The following PLOD3 variants were observed in gnomAD, a reference collection of about 807,000 sequenced individuals.
The protein encoded by PLOD3 is procollagen-lysine,2-oxoglutarate 5-dioxygenase 3.
In PLOD3, 73 loss-of-function variants were observed where a neutral mutation model predicts 96.9. The ratio of observed to expected loss-of-function variants is 0.75; its 90% CI spans 0.62 to 0.92. The LOEUF (loss-of-function observed/expected upper bound fraction) is 0.92. Among genes scored for constraint, PLOD3 ranks in the 40% least tolerant of loss-of-function variants. The pLI, the probability that PLOD3 is intolerant of heterozygous loss-of-function variation, is 0.00. For synonymous variants in PLOD3, 454 were observed against 413.7 expected (o/e 1.10, Z -1.18); for missense variants, 1,004 against 1,004.3 (o/e 1.00, Z 0.00).
At chr7:101,212,067 G>A (rs1218568931) in intron 10 of PLOD3, 117 bp from the exon 11 acceptor site, 6 of 1,030,786 alleles carry the variant, frequency 5.8e-6, no homozygotes, top group African/African-American at 1.6e-5. Context: ...CCTTCCCCAG[G>A]CTCTCTGCTG....
rs1211204706 is a variant in PLOD3 at position 101,215,904 on chromosome 7, C to T, written c.615+4G>A. 1 of 1,597,518 alleles carries T rather than the reference C, an allele frequency of 6.3e-7. No homozygotes were observed. The highest frequency in any genetic ancestry group is 1.1e-5 in the South Asian group (1 of 90,724). On this transcript the variant is annotated splice_donor_region_variant and intron_variant, in intron 5 of 18. Coordinates refer to ENST00000223127, the MANE Select transcript of PLOD3 (RefSeq NM_001084.5). Reference sequence around the variant, plus strand: ...GGATGCGCCCACTCCTCTGCCTTCCCTACCCTCAGTCCTGGGTCCAGGTAG... The same window carrying T: ...GGATGCGCCCACTCCTCTGCCTTCCTTACCCTCAGTCCTGGGTCCAGGTAG...
intron 2 of PLOD3, 69 bp from the exon 3 acceptor site, chr7:101,216,615 A>C: frequency 6.2e-7 from 1 of 1,609,906 alleles, no homozygotes; most frequent in Middle Eastern, 1.7e-4. Context: ...GACCAGGCTT[A>C]CCGTGGGGAC....
Position 101,206,351 on chromosome 7 carries a change from G to A in PLOD3, c.2147C>T (p.Thr716Ile), listed in dbSNP as rs1428292888. 3 of 1,613,830 alleles carry A rather than the reference G, an allele frequency of 1.9e-6. No homozygotes were observed. The highest frequency in any genetic ancestry group is 1.3e-5 in the African/African-American group (1 of 74,946). Residue 716 changes from threonine to isoleucine, a missense_variant, in exon 19 of 19, where the codon ACC becomes ATC. Transcript: ENST00000223127. ...CGTTGGCAGCCCCTCGTGGTAGTGGGTGAGGCGGCCGGGGTGCAGGAGTGC... is the reference window on the plus strand; with the variant it reads ...CGTTGGCAGCCCCTCGTGGTAGTGGATGAGGCGGCCGGGGTGCAGGAGTGC... ...GWALLHPGRL[T>I]HYHEGLPTTW...
Position 101,206,191 on chromosome 7 carries a change from CAGAG to C in PLOD3, c.*86_*89del, listed in dbSNP as rs371061268. 528 of 1,269,216 alleles carry C rather than the reference CAGAG, an allele frequency of 4.2e-4. 3 individuals carry two copies. In the African/African-American group the frequency reaches 6.8e-3, roughly 16 times the overall value. The allele number at this position is 1,269,216 out of a possible 1,614,324, so 78.6% of individuals were successfully genotyped here. A position where few individuals can be genotyped will look rare whatever the true frequency, so the allele number is the denominator to read the frequency against. On this transcript the variant is annotated 3_prime_UTR_variant, in exon 19 of 19. Coordinates refer to ENST00000223127, the MANE Select transcript of PLOD3 (RefSeq NM_001084.5). ...AACATGAACTCAGGAAGTGGGGAGA[CAGAG>C]AGACCCATCCCCCAACTCCCAGGAC...
chr7:101,206,513 C>T (rs569329030), intron 18 of PLOD3, 77 bp from the exon 19 acceptor site: 13 of 1,371,830 alleles, frequency 9.5e-6, no homozygotes, highest in African/African-American at 5.7e-5. Context: ...CGGGGCAGGG[C>T]GGCCAGACCG....
intron 16 of PLOD3, 83 bp from the exon 17 acceptor site, chr7:101,207,807 T>C: frequency 6.8e-7 from 1 of 1,464,884 alleles, no homozygotes; most frequent in Non-Finnish European, 9.5e-7. Context: ...CTTCCTCCCG[T>C]CCTCCAGCCT....
chr7:101,213,793 G>A (rs1798226376), intron 6 of PLOD3, among the ~76,000 whole-genome samples: 1 of 152,028 alleles, frequency 6.6e-6, no homozygotes, highest in African/African-American at 2.4e-5. Context: ...CCACCTCCAG[G>A]GTTCAAGCGA....
At position 101,212,776 on chromosome 7, in the gene PLOD3, G is replaced by A. The variant is rs186934460; in HGVS notation, c.879+66C>T. On this transcript the variant is annotated intron_variant, in intron 8 of 18. Coordinates refer to ENST00000223127, the MANE Select transcript of PLOD3 (RefSeq NM_001084.5). ...CGATGCCCCCACCGCCCCCCAGTCC[G>A]CTGTCCTTGTACCTCCTGCTCAGCA... The A allele has an allele frequency of 2.4e-4, 375 of 1,556,812 alleles. 2 individuals are homozygous for A. In the East Asian group the frequency reaches 7.7e-3, roughly 32 times the overall value.
At chr7:101,210,274 T>C in intron 14 of PLOD3, 57 bp downstream of exon 14, 1 of 1,535,194 alleles carries the variant, frequency 6.5e-7, no homozygotes, top group South Asian at 1.1e-5. Context: ...ACGTTTGGTG[T>C]CTTCCTTAGC....
intron 17 of PLOD3, among the ~76,000 whole-genome samples, 161 bp downstream of exon 17, chr7:101,207,417 C>T (rs551104689): frequency 1.3e-5 from 2 of 152,212 alleles, no homozygotes; most frequent in East Asian, 1.9e-4. Flanking sequence ...AGCCTGGCGC[C>T]CTCCCTCCCC....
At chr7:101,209,552 GTTTTTTTTTTT>G (rs11295764) in intron 15 of PLOD3, among the ~76,000 whole-genome samples, 2 of 110,336 alleles carry the variant, frequency 1.8e-5, no homozygotes, top group Non-Finnish European at 3.7e-5. Context: ...TAATTTTTGT[GTTTTTTTTTTT>G]TTTTTTTTTG....
At chr7:101,215,664 TTTTC>T (rs1367862015) in intron 5 of PLOD3, among the ~76,000 whole-genome samples, 1 of 151,794 alleles carries the variant, frequency 6.6e-6, no homozygotes, top group Non-Finnish European at 1.5e-5. Flanking sequence ...CTGGCTAATT[TTTTC>T]TTTCTTTTTT....
At chr7:101,213,232 ACCCC>A in intron 6 of PLOD3, 28 bp from the exon 7 acceptor site, 1 of 1,459,204 alleles carries the variant, frequency 6.9e-7, no homozygotes, top group Non-Finnish European at 9.6e-7. Context: ...CAGGCTTCAG[ACCCC>A]CTTTCTCTGG....
At chr7:101,211,775 C>G in intron 11 of PLOD3, 59 bp from the exon 12 acceptor site, 1 of 1,590,442 alleles carries the variant, frequency 6.3e-7, no homozygotes, top group South Asian at 1.1e-5. Flanking sequence ...GAGCCCGGTG[C>G]CCAGGGCAGG....
chr7:101,217,161 C>T lies in PLOD3; in HGVS notation c.109+5G>A. The T allele has an allele frequency of 6.8e-7, 1 of 1,469,266 alleles. No homozygotes were observed. Among genetic ancestry groups the T allele is most frequent in the South Asian group, 1.3e-5 (1 of 74,414 alleles). The allele number at this position is 1,469,266 out of a possible 1,614,324, so 91.0% of individuals were successfully genotyped here. On this transcript the variant is annotated splice_donor_5th_base_variant and intron_variant, in intron 1 of 18. Coordinates refer to ENST00000223127, the MANE Select transcript of PLOD3 (RefSeq NM_001084.5). ...CGGCCGTGCCGGGCCTCCCCGGGAT[C>T]TCACCTGGGTTGACCGGGTCTCGGC...
Position 101,213,061 on chromosome 7 carries a change from G to C in PLOD3, c.777+46C>G, listed in dbSNP as rs199556935. On this transcript the variant is annotated intron_variant, in intron 7 of 18. Transcript: ENST00000223127. ...CTTCTCAGAAGGGTTGGAGGTGCCT[G>C]GGGGTTGGGGCAGGGCGGGGCGGGG... The C allele has an allele frequency of 4.2e-6, 6 of 1,440,778 alleles. No individual in the cohort carries two copies. In the Admixed American group the frequency reaches 5.1e-5, roughly 12 times the overall value. The allele number at this position is 1,440,778 out of a possible 1,614,324, so 89.2% of individuals were successfully genotyped here.
Position 101,210,124 on chromosome 7 carries a change from C to T in PLOD3, c.1652G>A (p.Arg551Gln), listed in dbSNP as rs767074045. The change falls in exon 15 of 19, where the codon CGG (arginine) becomes CAG (glutamine). Residue 551 changes from arginine to glutamine, a missense_variant. Physicochemically the swap from Arg to Gln is conservative, Grantham distance 43. Around this residue, in one of 5 missense-constraint regions of PLOD3, gnomAD observed 65 missense variants for 68.8 expected, o/e 0.94. Coordinates refer to ENST00000223127, the MANE Select transcript of PLOD3 (RefSeq NM_001084.5). The stretch of plus-strand genomic sequence containing the variant: ...CACGATTCCTTCCCCTTCCAGGGCC[C>T]GGCTGTAGTTCTCGTGGATGTACTG... The part of the protein sequence containing the change: ...KEQYIHENYS[R>Q]ALEGEGIVEQ... 3.5e-5 allele frequency: 57 copies of T among 1,605,936 alleles called. No homozygotes were observed. The highest frequency in any genetic ancestry group is 4.5e-5 in the South Asian group (4 of 89,560).
At chr7:101,209,128 T>C (rs1001684009) in intron 15 of PLOD3, among the ~76,000 whole-genome samples, 171 bp from the exon 16 acceptor site, 2 of 151,576 alleles carry the variant, frequency 1.3e-5, no homozygotes, top group African/African-American at 4.8e-5. Flanking sequence ...GACCGGTTTC[T>C]GGCACAGGAG....
chr7:101,206,151 A>G lies in PLOD3; in HGVS notation c.*130T>C. The G allele has an allele frequency of 4.1e-6, 4 of 979,948 alleles. No individual in the cohort carries two copies. Among genetic ancestry groups the G allele is most frequent in the Non-Finnish European group, 6.6e-6 (4 of 607,092 alleles). 60.7% of individuals were successfully genotyped at this position (979,948 alleles called of 1,614,324 possible). On this transcript the variant is annotated 3_prime_UTR_variant, in exon 19 of 19. Coordinates refer to ENST00000223127, the MANE Select transcript of PLOD3 (RefSeq NM_001084.5). ...GTCTTGGGAGCAAGGTGACATATTC[A>G]GTTCAGGCACGCGGAACATGAACTC...
Sources: allele counts gnomAD v4.1 joint callset (sites outside exome capture counted in the v4.1 genomes callset), GRCh38; gene constraint gnomAD v4.1.1; regional missense constraint gnomAD v4.1.1; transcripts MANE v1.5; gene names NCBI Gene and HGNC (gene_info 2026-07-23, HGNC 2026-07-21).